The following PCDHA7 variants were observed in gnomAD, a reference collection of about 807,000 sequenced individuals.
PCDHA7 encodes protocadherin alpha-7.
In PCDHA7, 37 loss-of-function variants were observed where a neutral mutation model predicts 57.2. That is an observed-to-expected ratio of 0.65 (90% CI 0.50 to 0.85). The LOEUF (loss-of-function observed/expected upper bound fraction) is 0.85. Among genes scored for constraint, PCDHA7 ranks in the 40% least tolerant of loss-of-function variants. The pLI is 0.00. For missense variants in PCDHA7, 1,188 were observed against 1,241.8 expected (o/e 0.96, Z 0.65); for synonymous variants, 553 against 558.8 (o/e 0.99, Z 0.15).
chr5:140,847,580 C>G (rs1350641732), intron 1 of PCDHA7: 2 of 149,008 alleles, frequency 1.3e-5, no homozygotes, highest in African/African-American at 4.9e-5. Flanking sequence ...TAAGGATGAG[C>G]AATAATGAAA....
At chr5:140,978,713 A>G (rs2096819329) in intron 1 of PCDHA7, among the ~76,000 whole-genome samples, 1 of 152,272 alleles carries the variant, frequency 6.6e-6, no homozygotes, top group Admixed American at 6.5e-5. Flanking sequence ...GGCCTTTACA[A>G]GATTATTAAA....
rs2150529227 is a variant in PCDHA7 at position 140,853,161 on chromosome 5, G to A, written c.2355+16423G>A. 6.4e-6 allele frequency: 6 copies of A among 935,678 alleles called. 1 individual carries two copies. Among genetic ancestry groups the A allele is most frequent in the Non-Finnish European group, 6.5e-6 (5 of 772,756 alleles). 58.0% of individuals were successfully genotyped at this position (935,678 alleles called of 1,614,324 possible). ...CCCAAAATGCTGGGATTACAGGCGT[G>A]AGCCACCGCGCCTGGCCTAAAATGT... is the stretch of plus-strand genomic sequence containing the variant. On this transcript the variant is annotated intron_variant, in intron 1 of 3. Coordinates refer to ENST00000525929, the MANE Select transcript of PCDHA7 (RefSeq NM_018910.3).
intron 3 of PCDHA7, among the ~76,000 whole-genome samples, chr5:141,007,932 A>T (rs150576416): frequency 3.9e-5 from 6 of 152,336 alleles, no homozygotes; most frequent in Non-Finnish European, 7.3e-5. Context: ...CTGGAATTCT[A>T]AGCCACCTTT....
At chr5:140,941,313 C>T (rs1585057947) in intron 1 of PCDHA7, among the ~76,000 whole-genome samples, 2 of 104,888 alleles carry the variant, frequency 1.9e-5, no homozygotes, top group Non-Finnish European at 4.0e-5. Context: ...TCTTTTTCTT[C>T]TTTCTCTTTT....
chr5:140,984,726 A>C (rs549219216), intron 3 of PCDHA7, among the ~76,000 whole-genome samples: 51 of 152,276 alleles, frequency 3.3e-4, no homozygotes, highest in Non-Finnish European at 5.0e-4. Flanking sequence ...AAAGATTAAG[A>C]TTATGATTTA....
rs1263646925 is a variant in PCDHA7 at position 140,846,355 on chromosome 5, C to T, written c.2355+9617C>T. Among the ~76,000 whole-genome samples, 7 of 133,762 alleles carry T rather than the reference C, an allele frequency of 5.2e-5. 1 individual carries two copies. The highest frequency in any genetic ancestry group is 8.2e-5 in the Non-Finnish European group (5 of 61,048). The allele number at this position is 133,762 out of a possible 152,430, so 87.8% of individuals were successfully genotyped here. A position where few individuals can be genotyped will look rare whatever the true frequency, so the allele number is the denominator to read the frequency against. The stretch of plus-strand genomic sequence containing the variant: ...CCTTTTAAAGTGCTTTCTCTTTTTT[C>T]TTTTCTTTTCTTTCTTTCTTTTTTT... On this transcript the variant is annotated intron_variant, in intron 1 of 3. Transcript: ENST00000525929.
intron 1 of PCDHA7, chr5:140,871,243 C>G (rs1246479266): frequency 6.2e-7 from 1 of 1,613,862 alleles, no homozygotes; most frequent in African/African-American, 1.3e-5. Context: ...GGTACTCACG[C>G]TGCTGCTGTA....
Position 140,883,846 on chromosome 5 carries a change from G to A in PCDHA7, c.2355+47108G>A, listed in dbSNP as rs782516685. On this transcript the variant is annotated intron_variant, in intron 1 of 3. Coordinates refer to ENST00000525929, the MANE Select transcript of PCDHA7 (RefSeq NM_018910.3). ...ACGCGCTGCAGCCGTTGGACCACGA[G>A]GAGCTGGAGCTGTTGCAGTTCCAGG... is the stretch of plus-strand genomic sequence containing the variant. The A allele has an allele frequency of 6.8e-6, 11 of 1,612,790 alleles. 1 individual carries two copies. In the Admixed American group the frequency reaches 1.7e-4, roughly 24 times the overall value.
chr5:140,973,450 T>C (rs1326852534), intron 1 of PCDHA7, among the ~76,000 whole-genome samples: 1 of 152,250 alleles, frequency 6.6e-6, no homozygotes, highest in Non-Finnish European at 1.5e-5. Context: ...TTATAATGAC[T>C]GGGGCTGTTT....
chr5:140,850,487 T>C (rs2150486193), intron 1 of PCDHA7: 2 of 1,597,790 alleles, frequency 1.3e-6, no homozygotes, highest in East Asian at 2.2e-5. Flanking sequence ...CCACGGCCAC[T>C]GTGCTGGTGT....
intron 1 of PCDHA7, chr5:140,853,308 C>G: frequency 3.1e-6 from 3 of 983,184 alleles, no homozygotes; most frequent in Non-Finnish European, 3.7e-6. Flanking sequence ...CTGTGAACAC[C>G]TTAGTAATAA....
Position 141,011,060 on chromosome 5 carries a change from A to G in PCDHA7, c.*1123A>G, listed in dbSNP as rs1588257572. On this transcript the variant is annotated 3_prime_UTR_variant, in exon 4 of 4. Coordinates refer to ENST00000525929, the MANE Select transcript of PCDHA7 (RefSeq NM_018910.3). ...AGGTCACTCTGGGGCTGCCTCTTGC[A>G]TGTATTACTAAATAAAATGATCTCT... is the stretch of plus-strand genomic sequence containing the variant. 1.3e-5 allele frequency: 2 copies of G among 153,758 alleles called. No individual in the cohort carries two copies. Among genetic ancestry groups the G allele is most frequent in the Non-Finnish European group, 2.9e-5 (2 of 68,046 alleles). The allele number at this position is 153,758 out of a possible 1,614,324, so 9.5% of individuals were successfully genotyped here. A position where few individuals can be genotyped will look rare whatever the true frequency, so the allele number is the denominator to read the frequency against.
chr5:140,883,414 T>C, intron 1 of PCDHA7: 1 of 1,614,170 alleles, frequency 6.2e-7, no homozygotes, highest in South Asian at 1.1e-5. Flanking sequence ...CTGGCTCAAA[T>C]GGACAGGTCA....
intron 3 of PCDHA7, among the ~76,000 whole-genome samples, chr5:141,000,634 G>A (rs1554257716): frequency 6.6e-6 from 1 of 150,928 alleles, no homozygotes; most frequent in Non-Finnish European, 1.5e-5. Context: ...CACCATGTTG[G>A]GCAGGCTGGT....
In PCDHA7 at chr5:140,836,172, G is replaced by C. The variant is rs2150254671; in HGVS notation, c.1789G>C (p.Val597Leu). 1 of 1,613,884 alleles carries C rather than the reference G, an allele frequency of 6.2e-7. No homozygotes were observed. Among genetic ancestry groups the C allele is most frequent in the East Asian group, 2.2e-5 (1 of 44,874 alleles). ...CCATGTGGTGGCGAAGGTACGTGCA[G>C]TTGACGCTGACTCAGGCTACAACGC... is the stretch of plus-strand genomic sequence containing the variant. Reference protein sequence around the residue: ...AGHVVAKVRAVDADSGYNAWL... With the variant: ...AGHVVAKVRALDADSGYNAWL... The change falls in exon 1 of 4, where the codon GTT (valine) becomes CTT (leucine). Residue 597 changes from valine (V) to leucine (L), a missense_variant. This residue lies in a region of PCDHA7 where 892 missense variants were observed against 788.5 expected (regional missense o/e 1.13). Transcript: ENST00000525929.
chr5:140,993,449 C>T (rs2097557237), intron 3 of PCDHA7, among the ~76,000 whole-genome samples: 1 of 144,318 alleles, frequency 6.9e-6, no homozygotes, highest in Non-Finnish European at 1.5e-5. Context: ...TTCCTGTTCT[C>T]CTTCTTTCTT....
chr5:140,883,032 C>T, intron 1 of PCDHA7: 1 of 1,614,064 alleles, frequency 6.2e-7, no homozygotes. Context: ...TTAGAGAACG[C>T]CTTCAATGGA....
At chr5:141,008,502 G>A (rs539439181) in intron 3 of PCDHA7, among the ~76,000 whole-genome samples, 2 of 152,110 alleles carry the variant, frequency 1.3e-5, no homozygotes, top group South Asian at 4.2e-4. Context: ...TATACTTTAT[G>A]GTGTGTCTTC....
At chr5:140,867,903 A>C (rs1010800579) in intron 1 of PCDHA7, 1 of 152,144 alleles carries the variant, frequency 6.6e-6, no homozygotes, top group Non-Finnish European at 1.5e-5. Flanking sequence ...TACTTACAGA[A>C]GGTATAATTA....
Sources: gnomAD v4.1 joint callset for allele counts (sites outside exome capture counted in the v4.1 genomes callset) on GRCh38, gnomAD v4.1.1 for gene constraint, gnomAD v4.1.1 regional missense constraint, MANE v1.5 for transcripts, NCBI Gene and HGNC (gene_info 2026-07-23, HGNC 2026-07-21) for gene names.